The following PRKG1 variants were observed in gnomAD, a reference collection of about 807,000 sequenced individuals.
The protein encoded by PRKG1 is protein kinase cGMP-dependent 1, also known as cGMP-dependent protein kinase 1.
A neutral mutation model predicts 88.1 loss-of-function variants in PRKG1; 35 were observed. That is an observed-to-expected ratio of 0.40 (90% CI 0.30 to 0.53). PRKG1 has a LOEUF of 0.53. PRKG1 is among the 20% of genes least tolerant of loss of function. The pLI is 0.59. For synonymous variants in PRKG1, 303 were observed against 292.5 expected, an observed-to-expected ratio of 1.04 and a Z score of -0.37; for missense variants, 540 against 839.8, an observed-to-expected ratio of 0.64 and a Z score of 4.41.
At chr10:51,984,891 A>G (rs1844113443) in intron 5 of PRKG1, among the ~76,000 whole-genome samples, 2 of 152,180 alleles carry the variant, frequency 1.3e-5, no homozygotes, top group Non-Finnish European at 2.9e-5. Flanking sequence ...TCATGACAGT[A>G]AAGTTAAATT....
intron 3 of PRKG1, among the ~76,000 whole-genome samples, chr10:51,581,662 C>T (rs570408943): frequency 7.2e-5 from 11 of 152,248 alleles, no homozygotes; most frequent in African/African-American, 2.6e-4. Flanking sequence ...GCAGTCCAAC[C>T]TGGCATTGTC....
chr10:51,894,131 C>T (rs539076432), intron 4 of PRKG1, among the ~76,000 whole-genome samples: 5 of 152,074 alleles, frequency 3.3e-5, no homozygotes, highest in Non-Finnish European at 7.4e-5. Context: ...AACTTGGCTA[C>T]ACTTCAGAAA....
chr10:51,983,577 A>G (rs1844071540), intron 5 of PRKG1, among the ~76,000 whole-genome samples: 2 of 152,176 alleles, frequency 1.3e-5, no homozygotes, highest in Admixed American at 6.5e-5. Context: ...TTTAGGTCCC[A>G]CAGTTCCTCT....
intron 3 of PRKG1, among the ~76,000 whole-genome samples, chr10:51,749,343 G>C (rs1837659331): frequency 1.3e-5 from 2 of 152,138 alleles, no homozygotes; most frequent in South Asian, 4.1e-4. Context: ...GGAAGTCTGA[G>C]ACCAGGCTGC....
chr10:51,346,546 T>C (rs1255808462), intron 2 of PRKG1, among the ~76,000 whole-genome samples: 3 of 152,224 alleles, frequency 2.0e-5, no homozygotes, highest in Non-Finnish European at 1.5e-5. Context: ...TTTATGTTAC[T>C]TTTTATACTA....
chr10:51,881,690 C>T (rs1405704840), intron 4 of PRKG1, among the ~76,000 whole-genome samples: 1 of 152,114 alleles, frequency 6.6e-6, no homozygotes, highest in East Asian at 1.9e-4. Flanking sequence ...TGTGCTAAGC[C>T]TTTAGACAGC....
intron 2 of PRKG1, among the ~76,000 whole-genome samples, chr10:51,287,750 A>G (rs1346617273): frequency 6.6e-6 from 1 of 152,174 alleles, no homozygotes; most frequent in African/African-American, 2.4e-5. Context: ...TGAGATACAT[A>G]TATATCTAAA....
intron 2 of PRKG1, among the ~76,000 whole-genome samples, chr10:51,177,327 A>C (rs9415776): frequency 6.6e-6 from 1 of 152,168 alleles, no homozygotes; most frequent in African/African-American, 2.4e-5. Flanking sequence ...AATAAGTTGT[A>C]ATAAAAACCT....
chr10:52,171,479 A>G (rs1395354256), intron 9 of PRKG1, among the ~76,000 whole-genome samples: 1 of 152,188 alleles, frequency 6.6e-6, no homozygotes, highest in African/African-American at 2.4e-5. Flanking sequence ...ATTGCAGGGC[A>G]AAATATAGGG....
At chr10:52,195,863 T>G (rs1487402918) in intron 9 of PRKG1, among the ~76,000 whole-genome samples, 2 of 152,170 alleles carry the variant, frequency 1.3e-5, no homozygotes, top group Non-Finnish European at 2.9e-5. Flanking sequence ...CCAAGAACAT[T>G]TTGTGTTAAA....
chr10:52,017,727 G>T (rs745504890), intron 5 of PRKG1, among the ~76,000 whole-genome samples: 25 of 152,154 alleles, frequency 1.6e-4, no homozygotes, highest in Non-Finnish European at 3.1e-4. Flanking sequence ...CAGAGGAGTG[G>T]AGATAACCAT....
intron 2 of PRKG1, among the ~76,000 whole-genome samples, chr10:51,180,066 T>G (rs1263117756): frequency 7.2e-5 from 11 of 152,170 alleles, no homozygotes; most frequent in Admixed American, 7.2e-4. Flanking sequence ...AATGAGACCA[T>G]AGTAATTGAC....
intron 3 of PRKG1, among the ~76,000 whole-genome samples, chr10:51,562,085 A>G (rs891808126): frequency 2.6e-5 from 4 of 151,922 alleles, no homozygotes; most frequent in African/African-American, 9.7e-5. Flanking sequence ...TTAGCTGGGC[A>G]TGGTGGTGCA....
At chr10:51,091,817 C>T (rs1844404610) in intron 1 of PRKG1, among the ~76,000 whole-genome samples, 1 of 152,068 alleles carries the variant, frequency 6.6e-6, no homozygotes. Flanking sequence ...CATAAAAGTT[C>T]TGAAATATAG....
chr10:51,108,580 C>G (rs1435996802), intron 1 of PRKG1, among the ~76,000 whole-genome samples: 5 of 152,090 alleles, frequency 3.3e-5, no homozygotes, highest in Admixed American at 6.6e-5. Context: ...AAGCCAGTAC[C>G]CATTCCTGCT....
chr10:51,077,128 T>G (rs1242624450), intron 1 of PRKG1, among the ~76,000 whole-genome samples: 1 of 152,212 alleles, frequency 6.6e-6, no homozygotes. Context: ...ATAAATCTTA[T>G]GTTGTTTGAA....
At chr10:52,102,529 G>T (rs1239361559) in intron 7 of PRKG1, among the ~76,000 whole-genome samples, 1 of 146,354 alleles carries the variant, frequency 6.8e-6, no homozygotes, top group Non-Finnish European at 1.5e-5. Context: ...TGTTGTGCAT[G>T]AATTCATAGG....
chr10:51,107,408 G>T (rs1844864123), intron 1 of PRKG1, among the ~76,000 whole-genome samples: 1 of 152,116 alleles, frequency 6.6e-6, no homozygotes, highest in African/African-American at 2.4e-5. Context: ...AGAAAAAAAT[G>T]AGAGTAAATT....
At chr10:51,646,342 TATG>T (rs1313079130) in intron 3 of PRKG1, among the ~76,000 whole-genome samples, 2 of 152,180 alleles carry the variant, frequency 1.3e-5, no homozygotes, top group African/African-American at 2.4e-5. Context: ...ATGCCTGTTG[TATG>T]ATAAATATTT....
Sources: gnomAD v4.1 joint callset for allele counts (sites outside exome capture counted in the v4.1 genomes callset) on GRCh38, gnomAD v4.1.1 for gene constraint, MANE v1.5 for transcripts, NCBI Gene and HGNC (gene_info 2026-07-23, HGNC 2026-07-21) for gene names.